The following HS6ST3 variants were observed in gnomAD, a reference collection of about 807,000 sequenced individuals.
HS6ST3 encodes heparan-sulfate 6-O-sulfotransferase 3.
Under a neutral mutation model 36.7 loss-of-function variants are expected in HS6ST3, and 12 were observed. The ratio of observed to expected loss-of-function variants is 0.33; its 90% confidence interval spans 0.21 to 0.53. The LOEUF (loss-of-function observed/expected upper bound fraction) is 0.53, where lower values mean the gene tolerates loss of function less well. HS6ST3 is among the 20% of genes least tolerant of loss of function. The pLI, the probability that HS6ST3 is intolerant of heterozygous loss-of-function variation, is 0.95. For missense variants in HS6ST3, 584 were observed against 640.9 expected, an observed-to-expected ratio of 0.91 and a Z score of 0.96; for synonymous variants, 240 against 257.5, an observed-to-expected ratio of 0.93 and a Z score of 0.65.
In HS6ST3 at chr13:96,757,297, A is replaced by G. The variant is rs190623358; in HGVS notation, c.708-75193A>G. On this transcript the variant is annotated intron_variant, in intron 1 of 1. Coordinates refer to ENST00000376705, the MANE Select transcript of HS6ST3 (RefSeq NM_153456.4). ...GAGGCAAGCCAGTGAGTTGGCCCAT[A>G]GCAATAGTGAATTACATAAGGATGT... Among the ~76,000 whole-genome samples, 399 of 152,314 alleles carry G rather than the reference A, an allele frequency of 2.6e-3. 1 individual carries two copies. The highest frequency in any genetic ancestry group is 4.2e-3 in the Non-Finnish European group (286 of 68,020).
At chr13:96,711,065 A>C (rs1244809756) in intron 1 of HS6ST3, among the ~76,000 whole-genome samples, 1 of 152,200 alleles carries the variant, frequency 6.6e-6, no homozygotes, top group Non-Finnish European at 1.5e-5. Context: ...TTTGTACTAC[A>C]TCTGAACCTG....
chr13:96,492,355 G>C (rs1047308688), intron 1 of HS6ST3, among the ~76,000 whole-genome samples: 2 of 152,170 alleles, frequency 1.3e-5, no homozygotes, highest in African/African-American at 4.8e-5. Flanking sequence ...TTCTGGTAAG[G>C]AACATCTACC....
At chr13:96,654,177 T>G (rs2056616920) in intron 1 of HS6ST3, among the ~76,000 whole-genome samples, 1 of 152,200 alleles carries the variant, frequency 6.6e-6, no homozygotes, top group African/African-American at 2.4e-5. Context: ...ACTCTGATGA[T>G]AGTTTCTTTT....
chr13:96,174,705 A>T (rs1462486319), intron 1 of HS6ST3, among the ~76,000 whole-genome samples: 2 of 152,234 alleles, frequency 1.3e-5, no homozygotes, highest in Non-Finnish European at 2.9e-5. Context: ...GAAAACCAAT[A>T]AGGAACATTT....
At chr13:96,450,428 A>T (rs1156921769) in intron 1 of HS6ST3, among the ~76,000 whole-genome samples, 3 of 152,178 alleles carry the variant, frequency 2.0e-5, no homozygotes, top group South Asian at 2.1e-4. Flanking sequence ...TTATTGTGAG[A>T]TCTGTTTATT....
intron 1 of HS6ST3, among the ~76,000 whole-genome samples, chr13:96,678,815 A>G (rs764197844): frequency 5.3e-5 from 8 of 152,130 alleles, no homozygotes; most frequent in Admixed American, 5.2e-4. Context: ...TTGTGCAACT[A>G]CTAATTACCT....
intron 1 of HS6ST3, among the ~76,000 whole-genome samples, chr13:96,173,252 G>A (rs2054196662): frequency 6.6e-6 from 1 of 152,166 alleles, no homozygotes; most frequent in Admixed American, 6.6e-5. Context: ...TTTTACAGAA[G>A]AAGAAACTGA....
intron 1 of HS6ST3, among the ~76,000 whole-genome samples, chr13:96,346,600 A>C (rs2055156866): frequency 6.6e-6 from 1 of 152,040 alleles, no homozygotes; most frequent in Non-Finnish European, 1.5e-5. Context: ...AATAATAATA[A>C]AACAAAGCCA....
intron 1 of HS6ST3, among the ~76,000 whole-genome samples, chr13:96,304,091 C>T (rs973040571): frequency 2.7e-5 from 4 of 149,046 alleles, no homozygotes; most frequent in Admixed American, 1.3e-4. Context: ...TGCAGTGAGC[C>T]GAGATTGCAC....
At position 96,307,849 on chromosome 13, in the gene HS6ST3, A is replaced by T. The variant is rs1042301474; in HGVS notation, c.707+216280A>T. Among the ~76,000 whole-genome samples, 8 of 152,228 alleles carry T rather than the reference A, an allele frequency of 5.3e-5. No homozygotes were observed. The East Asian group carries it at 5.8e-4, about 11-fold the overall frequency. ...CACGATGAGAGGGAAGCTTGATTTG[A>T]TTAATTATGCTTACAAGCTGTTAGA... On this transcript the variant is annotated intron_variant, in intron 1 of 1. Coordinates refer to ENST00000376705, the MANE Select transcript of HS6ST3 (RefSeq NM_153456.4).
chr13:96,635,424 C>A (rs922641433), intron 1 of HS6ST3, among the ~76,000 whole-genome samples: 1 of 152,078 alleles, frequency 6.6e-6, no homozygotes, highest in African/African-American at 2.4e-5. Context: ...TATGCTGCTC[C>A]TCCTGCCTGG....
In HS6ST3 at chr13:96,442,622, T is replaced by C. The variant is rs185036783; in HGVS notation, c.707+351053T>C. On this transcript the variant is annotated intron_variant, in intron 1 of 1. Transcript: ENST00000376705. ...AATTTAAAAAATGAAGTTATGAGCT[T>C]CAAATAGCCATGCATCCAAGGGAGA... Among the ~76,000 whole-genome samples the C allele has an allele frequency of 2.6e-4, 40 of 152,234 alleles. 1 individual carries two copies. The East Asian group carries it at 6.2e-3, about 24-fold the overall frequency.
In HS6ST3 at chr13:96,776,937, C is replaced by T. The variant is rs542970648; in HGVS notation, c.708-55553C>T. On this transcript the variant is annotated intron_variant, in intron 1 of 1. Coordinates refer to ENST00000376705, the MANE Select transcript of HS6ST3 (RefSeq NM_153456.4). Reference sequence around the variant, plus strand: ...CCCTTATGAACATTGATGCAAAAATCCTCAGTAAAATACTGGCAAACCAAA... The same window carrying T: ...CCCTTATGAACATTGATGCAAAAATTCTCAGTAAAATACTGGCAAACCAAA... Among the ~76,000 whole-genome samples, 4 of 152,284 alleles carry T rather than the reference C, an allele frequency of 2.6e-5. No homozygotes were observed. The South Asian group carries it at 8.3e-4, about 32-fold the overall frequency.
At chr13:96,674,473 A>G (rs990434538) in intron 1 of HS6ST3, among the ~76,000 whole-genome samples, 1 of 151,886 alleles carries the variant, frequency 6.6e-6, no homozygotes, top group Admixed American at 6.6e-5. Context: ...CTCAGAGAGG[A>G]TTTAATCCCC....
intron 1 of HS6ST3, among the ~76,000 whole-genome samples, chr13:96,772,659 G>A (rs1347898346): frequency 6.6e-6 from 1 of 152,182 alleles, no homozygotes; most frequent in East Asian, 1.9e-4. Flanking sequence ...GGGATGTTAA[G>A]AAATCCACCG....
At chr13:96,710,397 T>A (rs1454899294) in intron 1 of HS6ST3, among the ~76,000 whole-genome samples, 1 of 152,224 alleles carries the variant, frequency 6.6e-6, no homozygotes, top group Non-Finnish European at 1.5e-5. Flanking sequence ...CAGGGAGGCT[T>A]CCTGAGCACA....
intron 1 of HS6ST3, among the ~76,000 whole-genome samples, chr13:96,825,383 G>A (rs950314575): frequency 6.6e-6 from 1 of 152,132 alleles, no homozygotes; most frequent in Non-Finnish European, 1.5e-5. Flanking sequence ...TGAAAAGGAA[G>A]GATTTGCTAG....
In HS6ST3 at chr13:96,454,106, G is replaced by T. The variant is rs563065872; in HGVS notation, c.707+362537G>T. On this transcript the variant is annotated intron_variant, in intron 1 of 1. Coordinates refer to ENST00000376705, the MANE Select transcript of HS6ST3 (RefSeq NM_153456.4). ...TTGGCCTTCTGAGTCCAGGGTTTCC[G>T]CTGTCTTAATATTGGCTTTGTGGGC... Among the ~76,000 whole-genome samples, 4 of 152,130 alleles carry T rather than the reference G, an allele frequency of 2.6e-5. No homozygotes were observed. The South Asian group carries it at 8.3e-4, about 32-fold the overall frequency.
In HS6ST3 at chr13:96,400,433, G is replaced by A. The variant is rs76596486; in HGVS notation, c.707+308864G>A. ...TTTGTACCCCATAATATCTAGTAAA[G>A]TGTCCTGATAGGTATTAATTTGAGG... On this transcript the variant is annotated intron_variant, in intron 1 of 1. Transcript: ENST00000376705. 5.6e-3 allele frequency among the ~76,000 whole-genome samples: 845 copies of A among 152,118 alleles called. 11 individuals carry two copies. The highest frequency in any genetic ancestry group is 0.02 in the African/African-American group (817 of 41,494).
Sources: allele counts gnomAD v4.1 joint callset (sites outside exome capture counted in the v4.1 genomes callset), GRCh38; gene constraint gnomAD v4.1.1; transcripts MANE v1.5; gene names NCBI Gene and HGNC (gene_info 2026-07-23, HGNC 2026-07-21).